CNTNAP5: variants seen among roughly 807,000 people sequenced by gnomAD.
The protein encoded by CNTNAP5 is contactin associated protein family member 5, also known as contactin-associated protein-like 5.
CNTNAP5 carries 72 observed loss-of-function variants against 150.2 expected under a neutral mutation model. The ratio of observed to expected loss-of-function variants is 0.48; its 90% CI spans 0.40 to 0.58. The LOEUF is 0.58. CNTNAP5 is among the 20% of genes least tolerant of loss of function. The pLI is 0.00. For missense variants in CNTNAP5, 1,636 were observed against 1,626.2 expected (o/e 1.01, Z -0.10); for synonymous variants, 672 against 619.8 (o/e 1.08, Z -1.25).
At chr2:124,668,264 G>A (rs1678741120) in intron 13 of CNTNAP5, among the ~76,000 whole-genome samples, 1 of 152,172 alleles carries the variant, frequency 6.6e-6, no homozygotes, top group Admixed American at 6.5e-5. Flanking sequence ...GCAGGGAGCA[G>A]GCCAAGAGAT....
At chr2:124,839,424 ACACTCTCT>A (rs1190791132) in intron 19 of CNTNAP5, among the ~76,000 whole-genome samples, 2 of 144,662 alleles carry the variant, frequency 1.4e-5, no homozygotes, top group Non-Finnish European at 3.0e-5. Flanking sequence ...AAAATGACAC[ACACTCTCT>A]CTCTCTCTCT....
intron 19 of CNTNAP5, among the ~76,000 whole-genome samples, chr2:124,860,480 C>T (rs868718288): frequency 1.3e-3 from 119 of 90,682 alleles, no homozygotes; most frequent in African/African-American, 7.6e-3. Flanking sequence ...TCCTTCCTTC[C>T]TTCCTTCCTT....
intron 13 of CNTNAP5, among the ~76,000 whole-genome samples, chr2:124,683,928 T>C (rs1318880178): frequency 1.3e-5 from 2 of 152,188 alleles, no homozygotes; most frequent in Middle Eastern, 3.2e-3. Context: ...TAGTAATTTG[T>C]GAAATACCAC....
intron 3 of CNTNAP5, among the ~76,000 whole-genome samples, chr2:124,318,664 A>G (rs1689025716): frequency 1.3e-5 from 2 of 152,196 alleles, no homozygotes; most frequent in South Asian, 4.1e-4. Flanking sequence ...AAGAATCTGT[A>G]TAAAATCCTG....
intron 3 of CNTNAP5, among the ~76,000 whole-genome samples, chr2:124,347,903 C>G (rs565254066): frequency 1.3e-5 from 2 of 151,250 alleles, no homozygotes; most frequent in Non-Finnish European, 2.9e-5. Flanking sequence ...CCGCTCATTT[C>G]AAGCTCCGCC....
At chr2:124,615,774 CTG>C (rs1439698514) in intron 12 of CNTNAP5, among the ~76,000 whole-genome samples, 1 of 152,168 alleles carries the variant, frequency 6.6e-6, no homozygotes, top group African/African-American at 2.4e-5. Flanking sequence ...GACTTATAAA[CTG>C]TATTTCTTAA....
chr2:124,286,335 G>T (rs1399335485), intron 3 of CNTNAP5, among the ~76,000 whole-genome samples: 2 of 152,192 alleles, frequency 1.3e-5, no homozygotes, highest in Non-Finnish European at 2.9e-5. Flanking sequence ...CCCCTTGGAA[G>T]CAGGCATAAC....
intron 1 of CNTNAP5, among the ~76,000 whole-genome samples, chr2:124,078,647 T>C (rs945878551): frequency 2.0e-5 from 3 of 152,236 alleles, no homozygotes; most frequent in African/African-American, 7.2e-5. Context: ...CCACTAGAGA[T>C]AGAATATACT....
intron 1 of CNTNAP5, among the ~76,000 whole-genome samples, chr2:124,216,017 C>T (rs1445833027): frequency 1.3e-5 from 2 of 152,076 alleles, no homozygotes; most frequent in Non-Finnish European, 2.9e-5. Context: ...CCCTAAGCTC[C>T]CCCCAAACCC....
rs1474872964 is a variant in CNTNAP5 at position 124,254,430 on chromosome 2, AG to A, written c.381+12038del. On this transcript the variant is annotated intron_variant, in intron 3 of 23. Transcript: ENST00000682447. ...AGTCTCCCTTTCGTGGCTCCTGCGCAGTCCAGCCTTTCTCCTGTTGGGTGAT... is the reference window on the plus strand; with the variant it reads ...AGTCTCCCTTTCGTGGCTCCTGCGCATCCAGCCTTTCTCCTGTTGGGTGAT... 9.2e-5 allele frequency among the ~76,000 whole-genome samples: 14 copies of A among 152,282 alleles called. No individual in the cohort carries two copies. The East Asian group carries it at 2.5e-3, about 27-fold the overall frequency.
At chr2:124,659,497 C>T (rs756702099) in intron 13 of CNTNAP5, among the ~76,000 whole-genome samples, 18 of 152,208 alleles carry the variant, frequency 1.2e-4, no homozygotes, top group Non-Finnish European at 2.2e-4. Context: ...TAGCCATCAT[C>T]AGGAAAGGTA....
intron 14 of CNTNAP5, among the ~76,000 whole-genome samples, chr2:124,762,812 CTATCTAA>C (rs1680986117): frequency 6.6e-6 from 1 of 151,766 alleles, no homozygotes; most frequent in Admixed American, 6.6e-5. Context: ...TTTAGGCCAG[CTATCTAA>C]TATCTCTGAG....
intron 1 of CNTNAP5, among the ~76,000 whole-genome samples, chr2:124,073,144 C>G: frequency 6.6e-6 from 1 of 152,028 alleles, no homozygotes; most frequent in East Asian, 1.9e-4. Context: ...GCTGGGAAAA[C>G]TGGACATCCA....
At chr2:124,855,858 A>T (rs1677360430) in intron 19 of CNTNAP5, among the ~76,000 whole-genome samples, 1 of 152,044 alleles carries the variant, frequency 6.6e-6, no homozygotes, top group African/African-American at 2.4e-5. Flanking sequence ...TTTATCCCTC[A>T]TCCCCCTTTC....
At chr2:124,723,810 C>T (rs1021604128) in intron 13 of CNTNAP5, among the ~76,000 whole-genome samples, 8 of 152,012 alleles carry the variant, frequency 5.3e-5, no homozygotes, top group Non-Finnish European at 1.0e-4. Flanking sequence ...GGATTTGAAC[C>T]CGCCCAAACA....
In CNTNAP5 at chr2:124,070,396, G is replaced by GGA. The variant is rs761771947; in HGVS notation, c.82+44664_82+44665insGA. On this transcript the variant is annotated intron_variant, in intron 1 of 23. Transcript: ENST00000682447. ...AAGAGAAACAGAGTGGCTGAATGGG[G>GGA]AAAAAAAAAAAAAAAAAAAAAAAGC... Among the ~76,000 whole-genome samples the GGA allele has an allele frequency of 1.9e-3, 137 of 72,970 alleles. 3 individuals carry two copies. Among genetic ancestry groups the GGA allele is most frequent in the Non-Finnish European group, 1.7e-3 (69 of 39,814 alleles). The allele number at this position is 72,970 out of a possible 152,430, so 47.9% of individuals were successfully genotyped here.
intron 3 of CNTNAP5, among the ~76,000 whole-genome samples, chr2:124,352,101 T>C (rs1689885760): frequency 6.6e-6 from 1 of 151,916 alleles, no homozygotes; most frequent in Non-Finnish European, 1.5e-5. Context: ...GCACTTTTGC[T>C]TTTGGGTACA....
At chr2:124,758,221 A>G (rs1680882590) in intron 14 of CNTNAP5, among the ~76,000 whole-genome samples, 2 of 152,090 alleles carry the variant, frequency 1.3e-5, no homozygotes, top group South Asian at 4.1e-4. Context: ...TGAGGGAGGA[A>G]GTAAGAAAGA....
chr2:124,294,916 A>C (rs1451590438), intron 3 of CNTNAP5, among the ~76,000 whole-genome samples: 1 of 151,864 alleles, frequency 6.6e-6, no homozygotes, highest in East Asian at 1.9e-4. Flanking sequence ...AAACAGCCTG[A>C]CCAACTTGGT....
Sources: allele counts gnomAD v4.1 joint callset (sites outside exome capture counted in the v4.1 genomes callset), GRCh38; gene constraint gnomAD v4.1.1; transcripts MANE v1.5; gene names NCBI Gene and HGNC (gene_info 2026-07-23, HGNC 2026-07-21).